The following MAD1L1 variants were observed in gnomAD, a reference collection of about 807,000 sequenced individuals.
MAD1L1 encodes the protein mitotic spindle assembly checkpoint protein MAD1.
In MAD1L1, 95 loss-of-function variants were observed where a neutral mutation model predicts 96.9. The observed-to-expected ratio is 0.98, with a 90% CI of 0.83 to 1.16. The LOEUF (loss-of-function observed/expected upper bound fraction) is 1.16. Among genes scored for constraint, MAD1L1 ranks in the 50% most tolerant of loss-of-function variants. The pLI, the probability that MAD1L1 is intolerant of heterozygous loss-of-function variation, is 0.00. For synonymous variants in MAD1L1, 473 were observed against 396.6 expected (o/e 1.19, Z -2.29); for missense variants, 1,007 against 954.4 (o/e 1.06, Z -0.73).
chr7:2,002,563 G>A (rs889222190), intron 13 of MAD1L1, among the ~76,000 whole-genome samples: 2 of 152,122 alleles, frequency 1.3e-5, no homozygotes, highest in African/African-American at 2.4e-5. Context: ...GACCTTCCAG[G>A]CAGAGGCCCC....
At chr7:1,932,230 TCCTTCTCTGCTCTATATC>T (rs1289140287) in intron 17 of MAD1L1, among the ~76,000 whole-genome samples, 1 of 152,234 alleles carries the variant, frequency 6.6e-6, no homozygotes, top group African/African-American at 2.4e-5. Flanking sequence ...GCCTAAGGCT[TCCTTCTCTGCTCTATATC>T]CCAGAACCTC....
chr7:1,909,311 C>T (rs1187305126), intron 17 of MAD1L1, among the ~76,000 whole-genome samples: 1 of 152,212 alleles, frequency 6.6e-6, no homozygotes, highest in Non-Finnish European at 1.5e-5. Flanking sequence ...CTGGCAGCCC[C>T]GGTCCTGCCC....
intron 10 of MAD1L1, among the ~76,000 whole-genome samples, chr7:2,185,778 G>T (rs956054818): frequency 6.6e-6 from 1 of 152,152 alleles, no homozygotes; most frequent in African/African-American, 2.4e-5. Context: ...GAAAAAAATC[G>T]AAATAACAGG....
At chr7:2,220,763 G>T in intron 5 of MAD1L1, 2 of 1,091,626 alleles carry the variant, frequency 1.8e-6, no homozygotes, top group Non-Finnish European at 2.6e-6. Flanking sequence ...CAATATGTAC[G>T]GTTTACTTCA....
chr7:1,928,015 G>C (rs886875467), intron 17 of MAD1L1, among the ~76,000 whole-genome samples: 1 of 152,192 alleles, frequency 6.6e-6, no homozygotes, highest in African/African-American at 2.4e-5. Context: ...CCAGACAGTG[G>C]AGAGCCACCA....
At chr7:2,127,147 G>T (rs187486075) in intron 11 of MAD1L1, among the ~76,000 whole-genome samples, 1 of 152,174 alleles carries the variant, frequency 6.6e-6, no homozygotes, top group African/African-American at 2.4e-5. Context: ...GGCCTGACCC[G>T]CTTGTTCCAG....
chr7:2,010,808 G>A (rs1002056424), intron 13 of MAD1L1, among the ~76,000 whole-genome samples: 3 of 152,158 alleles, frequency 2.0e-5, no homozygotes, highest in Non-Finnish European at 4.4e-5. Context: ...CACCTGCCCC[G>A]AGAGGCGCCT....
chr7:1,936,651 C>T (rs1179830098), intron 17 of MAD1L1, 36 bp downstream of exon 17: 2 of 1,536,488 alleles, frequency 1.3e-6, no homozygotes, highest in Non-Finnish European at 1.8e-6. Flanking sequence ...CACGGAAGGT[C>T]GAGGATGGCA....
intron 15 of MAD1L1, among the ~76,000 whole-genome samples, chr7:1,970,560 C>T (rs1780360128): frequency 6.6e-6 from 1 of 152,106 alleles, no homozygotes; most frequent in Non-Finnish European, 1.5e-5. Flanking sequence ...TCTCAATCTC[C>T]TGACCTCAGG....
At chr7:2,210,935 A>G (rs777597519) in intron 10 of MAD1L1, among the ~76,000 whole-genome samples, 28 of 152,200 alleles carry the variant, frequency 1.8e-4, no homozygotes, top group Admixed American at 5.9e-4. Context: ...GGATCTTCAC[A>G]CGCAGTTGGG....
chr7:2,217,816 C>T (rs1221249126), intron 7 of MAD1L1, 146 bp downstream of exon 7: 2 of 696,030 alleles, frequency 2.9e-6, no homozygotes, highest in Non-Finnish European at 5.1e-6. Context: ...ATCCCTGGTG[C>T]CCAGCACAGT....
intron 11 of MAD1L1, among the ~76,000 whole-genome samples, chr7:2,093,198 T>C (rs779966180): frequency 1.6e-5 from 2 of 126,818 alleles, no homozygotes; most frequent in African/African-American, 3.1e-5. Flanking sequence ...TGAGCCAAGA[T>C]AGCACCACTG....
At chr7:2,036,671 C>T (rs1340159334) in intron 12 of MAD1L1, among the ~76,000 whole-genome samples, 2 of 152,132 alleles carry the variant, frequency 1.3e-5, no homozygotes, top group Non-Finnish European at 2.9e-5. Flanking sequence ...AAAGGAAGAG[C>T]TTACCCCTAA....
intron 10 of MAD1L1, among the ~76,000 whole-genome samples, chr7:2,207,396 G>T (rs1050426599): frequency 6.6e-6 from 1 of 152,148 alleles, no homozygotes; most frequent in Non-Finnish European, 1.5e-5. Context: ...GAGATTAGAG[G>T]GTTGGGACTT....
chr7:1,976,331 T>C (rs762763787), intron 15 of MAD1L1, among the ~76,000 whole-genome samples: 5 of 152,212 alleles, frequency 3.3e-5, no homozygotes, highest in Non-Finnish European at 7.3e-5. Context: ...TGTTCGGACA[T>C]GTTCGGAGTT....
chr7:2,018,994 G>T (rs1437546941), intron 12 of MAD1L1, among the ~76,000 whole-genome samples: 1 of 152,176 alleles, frequency 6.6e-6, no homozygotes, highest in African/African-American at 2.4e-5. Context: ...AAAAGGAAAT[G>T]TATGGTCATA....
At chr7:1,843,295 C>T (rs541795071) in intron 18 of MAD1L1, among the ~76,000 whole-genome samples, 1 of 152,292 alleles carries the variant, frequency 6.6e-6, no homozygotes, top group African/African-American at 2.4e-5. Context: ...ATCAACTAAA[C>T]GGTAACACTC....
chr7:1,829,091 A>G (rs56758848), intron 18 of MAD1L1, among the ~76,000 whole-genome samples: 23,415 of 152,278 alleles, frequency 0.15, 2,125 homozygotes, highest in South Asian at 0.28. Context: ...TAAAGGAGGC[A>G]GCACATTGGG....
At chr7:2,021,748 G>A (rs550898570) in intron 12 of MAD1L1, among the ~76,000 whole-genome samples, 1 of 151,652 alleles carries the variant, frequency 6.6e-6, no homozygotes, top group African/African-American at 2.4e-5. Context: ...CTGGGCAACA[G>A]AGTGAGACTC....
Sources: gnomAD v4.1 joint callset for allele counts (sites outside exome capture counted in the v4.1 genomes callset) on GRCh38, gnomAD v4.1.1 for gene constraint, MANE v1.5 for transcripts, NCBI Gene and HGNC (gene_info 2026-07-23, HGNC 2026-07-21) for gene names.